Variants in BICC1 observed in about 807,000 individuals in gnomAD.
BICC1 encodes BicC family RNA binding protein 1, also known as protein bicaudal C homolog 1.
In BICC1, 43 loss-of-function variants were observed where a neutral mutation model predicts 111.0. The ratio of observed to expected loss-of-function variants is 0.39; its 90% CI spans 0.30 to 0.50. The LOEUF is 0.50. Ranked by LOEUF, BICC1 falls within the 20% of genes least tolerant of loss-of-function variation. The pLI is 0.88. For missense variants in BICC1, 1,091 were observed against 1,203.2 expected, an observed-to-expected ratio of 0.91 and a Z score of 1.38; for synonymous variants, 467 against 434.4, an observed-to-expected ratio of 1.07 and a Z score of -0.93.
chr10:58,792,169 G>A (rs996463680), intron 8 of BICC1, among the ~76,000 whole-genome samples: 3 of 152,122 alleles, frequency 2.0e-5, no homozygotes, highest in African/African-American at 7.2e-5. Context: ...CACCCAGTGG[G>A]CTAACACTGG....
chr10:58,664,759 G>C (rs1838956388), intron 2 of BICC1, among the ~76,000 whole-genome samples: 1 of 151,820 alleles, frequency 6.6e-6, no homozygotes, highest in Admixed American at 6.6e-5. Flanking sequence ...GTGTGTTAAA[G>C]AGCAATAGTC....
intron 3 of BICC1, among the ~76,000 whole-genome samples, chr10:58,765,573 T>G (rs912085233): frequency 2.6e-5 from 4 of 152,234 alleles, no homozygotes; most frequent in African/African-American, 9.6e-5. Context: ...TAAACTCCAC[T>G]GTAAATCCTG....
intron 1 of BICC1, among the ~76,000 whole-genome samples, chr10:58,561,699 CT>C (rs1843609350): frequency 6.6e-6 from 1 of 151,882 alleles, no homozygotes; most frequent in Non-Finnish European, 1.5e-5. Context: ...CTTTCTCATC[CT>C]TGTGTATCTG....
In BICC1 at chr10:58,820,049, T is replaced by C. The variant is rs1043789725; in HGVS notation, c.2695-320T>C. Among the ~76,000 whole-genome samples, 104 of 152,116 alleles carry C rather than the reference T, an allele frequency of 6.8e-4. 2 individuals are homozygous for C. Among genetic ancestry groups the C allele is most frequent in the African/African-American group, 2.5e-3 (103 of 41,442 alleles). On this transcript the variant is annotated intron_variant, in intron 19 of 20. Coordinates refer to ENST00000373886, the MANE Select transcript of BICC1 (RefSeq NM_001080512.3). ...AAAGATACACTTAACCAATTTAAAA[T>C]CCCAACCTAAGAAATATTTTTCTCT...
intron 3 of BICC1, among the ~76,000 whole-genome samples, chr10:58,728,956 A>T (rs1841201167): frequency 6.6e-6 from 1 of 152,184 alleles, no homozygotes; most frequent in African/African-American, 2.4e-5. Flanking sequence ...ATCATACTGC[A>T]AACACATGTG....
At chr10:58,529,152 A>G (rs1413102813) in intron 1 of BICC1, among the ~76,000 whole-genome samples, 1 of 151,944 alleles carries the variant, frequency 6.6e-6, no homozygotes, top group Non-Finnish European at 1.5e-5. Flanking sequence ...ATACTTGTCT[A>G]GGTGAACAAC....
intron 1 of BICC1, among the ~76,000 whole-genome samples, chr10:58,578,285 G>A (rs1268929725): frequency 6.6e-6 from 1 of 151,992 alleles, no homozygotes. Context: ...TTTCCGAGTT[G>A]TTATTTTTTG....
chr10:58,586,223 C>A (rs969307843), intron 1 of BICC1, among the ~76,000 whole-genome samples: 3 of 152,014 alleles, frequency 2.0e-5, no homozygotes, highest in Non-Finnish European at 4.4e-5. Flanking sequence ...ATCCATCCAT[C>A]CAGTATTATT....
rs1225725043 is a variant in BICC1 at position 58,789,399 on chromosome 10, A to C, written c.738A>C (p.Arg246=). Residue 246 remains arginine, a synonymous_variant, in exon 7 of 21, where the codon CGA becomes CGC. Coordinates refer to ENST00000373886, the MANE Select transcript of BICC1 (RefSeq NM_001080512.3). ...CAGTATCATTTAAACAGCGTTCCCG[A>C]ATGTATGGTGCTACTGTCATAGTAC... ...NISVSFKQRS[R]MYGATVIVRG... is the part of the protein sequence containing the mutation. 3.1e-6 allele frequency: 5 copies of C among 1,613,980 alleles called. No homozygotes were observed. Among genetic ancestry groups the C allele is most frequent in the Non-Finnish European group, 4.2e-6 (5 of 1,179,994 alleles).
At chr10:58,728,123 C>G (rs912133815) in intron 3 of BICC1, among the ~76,000 whole-genome samples, 4 of 152,138 alleles carry the variant, frequency 2.6e-5, no homozygotes, top group Admixed American at 6.5e-5. Context: ...TTACGAAAGT[C>G]AACAATGAAG....
chr10:58,658,137 G>A (rs1838719898), intron 2 of BICC1, among the ~76,000 whole-genome samples: 1 of 152,110 alleles, frequency 6.6e-6, no homozygotes, highest in African/African-American at 2.4e-5. Flanking sequence ...CTCATATTAT[G>A]CCAATTTCTG....
chr10:58,798,493 T>G lies in BICC1; in HGVS notation c.1461T>G (p.Ser487Arg). The change falls in exon 11 of 21, where the codon AGT becomes AGG. Residue 487 changes from serine (S) to arginine (R), a missense_variant. Around this residue, in one of 3 missense-constraint regions of BICC1, gnomAD observed 843 missense variants for 900.8 expected, o/e 0.94. Coordinates refer to ENST00000373886, the MANE Select transcript of BICC1 (RefSeq NM_001080512.3). ...ATAGCTCAGTCAGTCCTTTGCAAAG[T>G]CCAAGTTCTGGTACACCCAGCCCCA... is the stretch of plus-strand genomic sequence containing the variant. Reference protein sequence around the residue: ...ALNSSVSPLQSPSSGTPSPTL... With the variant: ...ALNSSVSPLQRPSSGTPSPTL... The G allele has an allele frequency of 1.2e-6, 2 of 1,613,202 alleles. No homozygotes were observed. Among genetic ancestry groups the G allele is most frequent in the Non-Finnish European group, 1.7e-6 (2 of 1,179,604 alleles).
At chr10:58,582,847 G>A (rs963629732) in intron 1 of BICC1, among the ~76,000 whole-genome samples, 3 of 152,134 alleles carry the variant, frequency 2.0e-5, no homozygotes, top group Non-Finnish European at 4.4e-5. Flanking sequence ...GAACTCTTGT[G>A]ATTGCATTGA....
At chr10:58,518,141 A>G (rs764551456) in intron 1 of BICC1, among the ~76,000 whole-genome samples, 1 of 152,070 alleles carries the variant, frequency 6.6e-6, no homozygotes, top group Non-Finnish European at 1.5e-5. Context: ...TTTAGTTGTA[A>G]ATTGTTCTTG....
At chr10:58,601,368 A>G (rs759933237) in intron 1 of BICC1, among the ~76,000 whole-genome samples, 1 of 151,514 alleles carries the variant, frequency 6.6e-6, no homozygotes, top group Non-Finnish European at 1.5e-5. Flanking sequence ...GCAGTTTATC[A>G]TAATCATTTT....
chr10:58,797,627 A>G (rs1243770444), intron 10 of BICC1, among the ~76,000 whole-genome samples: 2 of 152,214 alleles, frequency 1.3e-5, no homozygotes, highest in Non-Finnish European at 2.9e-5. Flanking sequence ...AAAACAAGTG[A>G]GCAAAGATTC....
At chr10:58,734,784 C>G (rs1266733435) in intron 3 of BICC1, among the ~76,000 whole-genome samples, 3 of 152,126 alleles carry the variant, frequency 2.0e-5, no homozygotes, top group Non-Finnish European at 4.4e-5. Context: ...GACCTTTTGG[C>G]ATATCAAGAA....
At chr10:58,825,199 C>T (rs897730138) in intron 20 of BICC1, among the ~76,000 whole-genome samples, 3 of 152,116 alleles carry the variant, frequency 2.0e-5, no homozygotes, top group Non-Finnish European at 4.4e-5. Context: ...ATTTCTGACT[C>T]AAGAAGTATA....
At position 58,789,731 on chromosome 10, in the gene BICC1, C is replaced by T; in HGVS notation, c.845C>T (p.Ala282Val). The T allele has an allele frequency of 6.2e-7, 1 of 1,614,148 alleles. No homozygotes were observed. The highest frequency in any genetic ancestry group is 1.1e-5 in the South Asian group (1 of 91,086). ...LEHLAGSLAS[A>V]IPVSTQLDIA... ...CATCTTGCTGGGAGCTTAGCATCAG[C>T]TATTCCTGTGAGCACACAACTAGAT... The change falls in exon 8 of 21, where the codon GCT becomes GTT. Residue 282 changes from alanine (A) to valine (V), a missense_variant. Ala to Val is a moderately conservative substitution (Grantham distance 64, BLOSUM62 0). This residue lies in a region of BICC1 where 843 missense variants were observed against 900.8 expected (regional missense o/e 0.94). Coordinates refer to ENST00000373886, the MANE Select transcript of BICC1 (RefSeq NM_001080512.3).
Sources: allele counts gnomAD v4.1 joint callset (sites outside exome capture counted in the v4.1 genomes callset), GRCh38; gene constraint gnomAD v4.1.1; regional missense constraint gnomAD v4.1.1; transcripts MANE v1.5; gene names NCBI Gene and HGNC (gene_info 2026-07-23, HGNC 2026-07-21).